FHIT: variants seen among roughly 807,000 people sequenced by gnomAD.
FHIT encodes bis(5'-adenosyl)-triphosphatase.
FHIT carries 19 observed loss-of-function variants against 17.9 expected under a neutral mutation model. The ratio of observed to expected loss-of-function variants is 1.06; its 90% confidence interval spans 0.74 to 1.56. The LOEUF (loss-of-function observed/expected upper bound fraction) is 1.56. Ranked by LOEUF, FHIT falls within the 40% of genes most tolerant of loss-of-function variation. The pLI is 0.00. For missense variants in FHIT, 248 were observed against 189.2 expected, an observed-to-expected ratio of 1.31 and a Z score of -1.82; for synonymous variants, 81 against 69.7, an observed-to-expected ratio of 1.16 and a Z score of -0.81.
intron 4 of FHIT, among the ~76,000 whole-genome samples, chr3:60,572,376 C>G (rs1440573509): frequency 6.6e-6 from 1 of 152,074 alleles, no homozygotes; most frequent in Admixed American, 6.6e-5. Context: ...TAGATTCACT[C>G]TGTTTTATAA....
chr3:60,386,165 C>T (rs544081007), intron 5 of FHIT, among the ~76,000 whole-genome samples: 3 of 152,092 alleles, frequency 2.0e-5, no homozygotes, highest in Admixed American at 6.6e-5. Flanking sequence ...GTTCCATAGA[C>T]GCTACTCACT....
In FHIT at chr3:59,747,515, G is replaced by A. The variant is rs1169796493; in HGVS notation, c.*2070C>T. ...GATTATGGGAGCTACAATTCAAGAT[G>A]AGATGTGGGTGGGGAAACAGCCAAA... On this transcript the variant is annotated 3_prime_UTR_variant, in exon 10 of 10. Coordinates refer to ENST00000492590, the MANE Select transcript of FHIT (RefSeq NM_002012.4). Among the ~76,000 whole-genome samples the A allele has an allele frequency of 1.3e-5, 2 of 152,170 alleles. No homozygotes were observed. Among genetic ancestry groups the A allele is most frequent in the Non-Finnish European group, 2.9e-5 (2 of 68,026 alleles).
rs112455343 is a variant in FHIT, at chr3:60,360,204, A to G, written c.103+176656T>C. On this transcript the variant is annotated intron_variant, in intron 5 of 9. Coordinates refer to ENST00000492590, the MANE Select transcript of FHIT (RefSeq NM_002012.4). Reference sequence around the variant, plus strand: ...ATTAATCAAACTATTAAACACTAAAAGAGTCAAAGGCTGAGTATGGGTGGG... The same window carrying G: ...ATTAATCAAACTATTAAACACTAAAGGAGTCAAAGGCTGAGTATGGGTGGG... Among the ~76,000 whole-genome samples the G allele has an allele frequency of 9.8e-3, 1,492 of 152,088 alleles. 27 individuals are homozygous for G. The highest frequency in any genetic ancestry group is 0.034 in the African/African-American group (1,392 of 41,504).
intron 5 of FHIT, among the ~76,000 whole-genome samples, chr3:60,239,096 A>G (rs1452982916): frequency 6.6e-6 from 1 of 152,198 alleles, no homozygotes; most frequent in Admixed American, 6.5e-5. Flanking sequence ...GCAAAAGGTC[A>G]AATTAACTTG....
At chr3:60,083,854 C>A (rs1413581570) in intron 5 of FHIT, among the ~76,000 whole-genome samples, 1 of 152,184 alleles carries the variant, frequency 6.6e-6, no homozygotes, top group African/African-American at 2.4e-5. Context: ...TGTTTGCCAA[C>A]CCCAGCTCAA....
chr3:60,954,692 T>C (rs1326619331), intron 3 of FHIT, among the ~76,000 whole-genome samples: 1 of 152,182 alleles, frequency 6.6e-6, no homozygotes, highest in Non-Finnish European at 1.5e-5. Context: ...GATTTCATTT[T>C]CCAAAAGAGG....
At chr3:60,207,388 A>G (rs1703246064) in intron 5 of FHIT, among the ~76,000 whole-genome samples, 1 of 152,238 alleles carries the variant, frequency 6.6e-6, no homozygotes, top group African/African-American at 2.4e-5. Flanking sequence ...CTTCCTTTCA[A>G]TAATGGCCTT....
intron 5 of FHIT, among the ~76,000 whole-genome samples, chr3:60,021,083 AT>A (rs1415687078): frequency 2.0e-5 from 3 of 152,200 alleles, no homozygotes; most frequent in Non-Finnish European, 4.4e-5. Context: ...AGCAAATGTG[AT>A]TTCCAGAATA....
chr3:61,124,694 G>T (rs908747415), intron 2 of FHIT, among the ~76,000 whole-genome samples: 2 of 152,084 alleles, frequency 1.3e-5, no homozygotes, highest in African/African-American at 4.8e-5. Flanking sequence ...TTTTTATATG[G>T]TTCATTGTGA....
intron 5 of FHIT, among the ~76,000 whole-genome samples, chr3:60,035,442 T>G (rs758095134): frequency 7.2e-5 from 11 of 152,220 alleles, no homozygotes; most frequent in Non-Finnish European, 1.6e-4. Context: ...TTCACCTTGT[T>G]GGCCAGGCTA....
intron 3 of FHIT, among the ~76,000 whole-genome samples, chr3:61,034,654 G>C (rs774102734): frequency 2.6e-5 from 4 of 152,138 alleles, no homozygotes; most frequent in Non-Finnish European, 5.9e-5. Flanking sequence ...AAGATATAGA[G>C]AAACTGGAAC....
intron 5 of FHIT, among the ~76,000 whole-genome samples, chr3:60,324,534 A>G (rs549884808): frequency 6.7e-6 from 1 of 148,914 alleles, no homozygotes; most frequent in East Asian, 1.9e-4. Flanking sequence ...GCAGTGAGCC[A>G]AGATCGCCAA....
chr3:60,470,700 C>A (rs1443451167), intron 5 of FHIT, among the ~76,000 whole-genome samples: 1 of 152,008 alleles, frequency 6.6e-6, no homozygotes, highest in Non-Finnish European at 1.5e-5. Flanking sequence ...TGATCCTCTG[C>A]CATACTGTGG....
At chr3:59,888,563 G>GA (rs1465641905) in intron 8 of FHIT, among the ~76,000 whole-genome samples, 2 of 152,074 alleles carry the variant, frequency 1.3e-5, no homozygotes, top group Non-Finnish European at 2.9e-5. Context: ...AAATATATGG[G>GA]AAAAAATCAA....
intron 8 of FHIT, among the ~76,000 whole-genome samples, chr3:59,759,277 G>GAAGAT (rs1204119615): frequency 7.3e-6 from 1 of 137,908 alleles, no homozygotes; most frequent in Middle Eastern, 3.6e-3. Flanking sequence ...GGTGTGATGA[G>GAAGAT]AAGATAGGCA....
At chr3:60,101,688 C>T (rs1303523080) in intron 5 of FHIT, among the ~76,000 whole-genome samples, 1 of 152,188 alleles carries the variant, frequency 6.6e-6, no homozygotes, top group Admixed American at 6.5e-5. Context: ...CCCCTATTAA[C>T]CTGCAACACA....
intron 2 of FHIT, among the ~76,000 whole-genome samples, chr3:61,176,737 A>G (rs1171526435): frequency 1.3e-5 from 2 of 152,204 alleles, no homozygotes; most frequent in Non-Finnish European, 2.9e-5. Flanking sequence ...AGAAGAACTG[A>G]CATGATGCTG....
intron 3 of FHIT, among the ~76,000 whole-genome samples, chr3:60,916,584 T>A (rs181122659): frequency 1.7e-4 from 26 of 152,336 alleles, no homozygotes; most frequent in Admixed American, 7.8e-4. Flanking sequence ...GTGGTATAAT[T>A]CTAACTGGTC....
At chr3:60,822,214 A>G (rs1437877136) in intron 3 of FHIT, among the ~76,000 whole-genome samples, 1 of 152,178 alleles carries the variant, frequency 6.6e-6, no homozygotes, top group African/African-American at 2.4e-5. Flanking sequence ...AAAAGGGTGT[A>G]AGTGGTTCAT....
Sources: gnomAD v4.1 joint callset for allele counts (sites outside exome capture counted in the v4.1 genomes callset) on GRCh38, gnomAD v4.1.1 for gene constraint, MANE v1.5 for transcripts, NCBI Gene and HGNC (gene_info 2026-07-23, HGNC 2026-07-21) for gene names.